The following SGCZ variants were observed in gnomAD, a reference collection of about 807,000 sequenced individuals.
SGCZ encodes the protein zeta-sarcoglycan.
SGCZ carries 40 observed loss-of-function variants against 41.3 expected under a neutral mutation model. The ratio of observed to expected loss-of-function variants is 0.97; its 90% CI spans 0.75 to 1.26. SGCZ has a LOEUF of 1.26. SGCZ is among the 50% of genes most tolerant of loss of function. SGCZ has a pLI of 0.00. For synonymous variants in SGCZ, 206 were observed against 137.5 expected (o/e 1.50, Z -3.49); for missense variants, 552 against 369.8 (o/e 1.49, Z -4.04).
chr8:14,300,149 G>C (rs370816660), intron 3 of SGCZ, among the ~76,000 whole-genome samples: 1 of 151,898 alleles, frequency 6.6e-6, no homozygotes, highest in Non-Finnish European at 1.5e-5. Flanking sequence ...GAATTACAAG[G>C]ATGTATAGTT....
chr8:14,442,398 C>G (rs949043980), intron 2 of SGCZ, among the ~76,000 whole-genome samples: 1 of 152,138 alleles, frequency 6.6e-6, no homozygotes, highest in African/African-American at 2.4e-5. Context: ...GATTGTGAAG[C>G]CTCTTCAGCC....
At chr8:14,493,492 C>T (rs575686765) in intron 2 of SGCZ, among the ~76,000 whole-genome samples, 14 of 149,564 alleles carry the variant, frequency 9.4e-5, no homozygotes, top group African/African-American at 2.9e-4. Flanking sequence ...CTCAGCCTCC[C>T]GAGTAGCTGG....
chr8:14,482,456 C>A (rs1801560104), intron 2 of SGCZ, among the ~76,000 whole-genome samples: 1 of 152,188 alleles, frequency 6.6e-6, no homozygotes, highest in Non-Finnish European at 1.5e-5. Context: ...CTCCTTTAAT[C>A]TCCCTTACCG....
At chr8:14,918,924 A>C (rs1389061249) in intron 1 of SGCZ, among the ~76,000 whole-genome samples, 1 of 152,202 alleles carries the variant, frequency 6.6e-6, no homozygotes, top group African/African-American at 2.4e-5. Context: ...TGAAGGCAGC[A>C]TATGTTTTGG....
intron 1 of SGCZ, among the ~76,000 whole-genome samples, chr8:14,780,455 A>C (rs1452553337): frequency 6.6e-6 from 1 of 152,092 alleles, no homozygotes. Context: ...ATTGAACCTA[A>C]AGAATTTCAT....
chr8:14,931,607 C>G (rs12682545), intron 1 of SGCZ, among the ~76,000 whole-genome samples: 64,509 of 151,666 alleles, frequency 0.43, 14,237 homozygotes, highest in East Asian at 0.54. Context: ...CAAGTGAGCT[C>G]TGGAGCCATT....
At position 14,758,367 on chromosome 8, in the gene SGCZ, G is replaced by A. The variant is rs1799753598; in HGVS notation, c.40-203441C>T. Among the ~76,000 whole-genome samples, 3 of 152,026 alleles carry A rather than the reference G, an allele frequency of 2.0e-5. No homozygotes were observed. In the South Asian group the frequency reaches 6.2e-4, roughly 32 times the overall value. ...ATTCCTCAATTCAGTCATTAATACT[G>A]ATTTTTTTTTAACCAAGTCAGCTTC... On this transcript the variant is annotated intron_variant, in intron 1 of 7. Coordinates refer to ENST00000382080, the MANE Select transcript of SGCZ (RefSeq NM_139167.4).
intron 5 of SGCZ, among the ~76,000 whole-genome samples, chr8:14,144,824 A>T (rs12545891): frequency 0.25 from 38,704 of 151,942 alleles, 5,214 homozygotes; most frequent in African/African-American, 0.33. Context: ...CCTTAAGGGA[A>T]TATCAGTGGT....
intron 2 of SGCZ, among the ~76,000 whole-genome samples, chr8:14,551,669 G>A (rs1443234399): frequency 1.5e-5 from 1 of 67,148 alleles, no homozygotes; most frequent in African/African-American, 6.0e-5. Context: ...AAGTATGTAT[G>A]TATGTATCTG....
At chr8:14,947,592 G>T (rs1317542629) in intron 1 of SGCZ, among the ~76,000 whole-genome samples, 1 of 152,134 alleles carries the variant, frequency 6.6e-6, no homozygotes, top group East Asian at 1.9e-4. Flanking sequence ...GTATACTTCC[G>T]TTAGTAAAGG....
chr8:14,418,648 C>T (rs1482474732), intron 2 of SGCZ, among the ~76,000 whole-genome samples: 1 of 151,820 alleles, frequency 6.6e-6, no homozygotes, highest in Non-Finnish European at 1.5e-5. Flanking sequence ...GTAAATACAG[C>T]AATTGAAACT....
intron 1 of SGCZ, among the ~76,000 whole-genome samples, chr8:14,715,209 A>G (rs1330139399): frequency 2.0e-5 from 3 of 152,172 alleles, no homozygotes; most frequent in Admixed American, 1.3e-4. Context: ...ATACCTAACA[A>G]TGGAAATCAA....
intron 1 of SGCZ, among the ~76,000 whole-genome samples, chr8:14,908,710 A>G (rs1799191993): frequency 7.2e-6 from 1 of 138,738 alleles, no homozygotes; most frequent in Non-Finnish European, 1.5e-5. Flanking sequence ...AGATCGGGCC[A>G]CTGTACTCCA....
chr8:15,091,211 G>A (rs1463705831), intron 1 of SGCZ, among the ~76,000 whole-genome samples: 1 of 151,952 alleles, frequency 6.6e-6, no homozygotes, highest in Non-Finnish European at 1.5e-5. Flanking sequence ...TTTACAGATG[G>A]GCCCTCATTA....
chr8:14,471,755 A>T (rs1801218732), intron 2 of SGCZ, among the ~76,000 whole-genome samples: 1 of 152,144 alleles, frequency 6.6e-6, no homozygotes, highest in South Asian at 2.1e-4. Context: ...CACTGAATTT[A>T]AGAAATCACT....
At chr8:14,180,581 C>T (rs554267534) in intron 4 of SGCZ, among the ~76,000 whole-genome samples, 28 of 152,154 alleles carry the variant, frequency 1.8e-4, no homozygotes, top group East Asian at 7.8e-4. Flanking sequence ...TGTTAAAAAC[C>T]GAATTGCCAG....
At chr8:14,300,223 AC>A (rs1279464292) in intron 3 of SGCZ, among the ~76,000 whole-genome samples, 1 of 151,890 alleles carries the variant, frequency 6.6e-6, no homozygotes, top group Non-Finnish European at 1.5e-5. Flanking sequence ...TTAAAAAAGA[AC>A]AAAATTCTAC....
chr8:14,365,485 T>G (rs12548010), intron 2 of SGCZ, among the ~76,000 whole-genome samples: 29,387 of 152,082 alleles, frequency 0.19, 3,553 homozygotes, highest in Non-Finnish European at 0.28. Context: ...GTTTTGTTCA[T>G]TGATTTCCAT....
intron 2 of SGCZ, among the ~76,000 whole-genome samples, chr8:14,447,957 T>C (rs1157062159): frequency 6.6e-6 from 1 of 152,168 alleles, no homozygotes; most frequent in Non-Finnish European, 1.5e-5. Context: ...CATCTCAAGC[T>C]CTAAGAGCCC....
Sources: allele counts gnomAD v4.1 joint callset (sites outside exome capture counted in the v4.1 genomes callset), GRCh38; gene constraint gnomAD v4.1.1; transcripts MANE v1.5; gene names NCBI Gene and HGNC (gene_info 2026-07-23, HGNC 2026-07-21).